TRPM3: variants seen among roughly 807,000 people sequenced by gnomAD.
TRPM3 encodes transient receptor potential cation channel subfamily M member 3.
In TRPM3, 77 loss-of-function variants were observed where a neutral mutation model predicts 181.2. That is an observed-to-expected ratio of 0.42 (90% CI 0.35 to 0.51). The LOEUF is 0.51. TRPM3 is among the 20% of genes least tolerant of loss of function. The pLI is 0.01. For synonymous variants in TRPM3, 745 were observed against 796.4 expected, an observed-to-expected ratio of 0.94 and a Z score of 1.09; for missense variants, 1,759 against 2,196.7, an observed-to-expected ratio of 0.80 and a Z score of 3.98.
chr9:71,134,332 AG>A (rs1295485183), intron 1 of TRPM3, among the ~76,000 whole-genome samples: 1 of 152,042 alleles, frequency 6.6e-6, no homozygotes, highest in Non-Finnish European at 1.5e-5. Flanking sequence ...TGGGAGGCCA[AG>A]GGGGGAGGAT....
intron 1 of TRPM3, among the ~76,000 whole-genome samples, chr9:71,235,818 G>T (rs188116088): frequency 6.6e-6 from 1 of 152,248 alleles, no homozygotes; most frequent in Admixed American, 6.5e-5. Context: ...CCAGTTTCTA[G>T]ACTTGCAAAG....
At chr9:71,317,669 AT>A (rs1356168481) in intron 1 of TRPM3, among the ~76,000 whole-genome samples, 3 of 80,782 alleles carry the variant, frequency 3.7e-5, no homozygotes, top group African/African-American at 9.4e-5. Context: ...AAGAAAAAAT[AT>A]ATATATATAC....
chr9:70,590,620 T>C (rs938615102), intron 22 of TRPM3, among the ~76,000 whole-genome samples: 2 of 152,206 alleles, frequency 1.3e-5, no homozygotes, highest in African/African-American at 4.8e-5. Flanking sequence ...CATTGTTTAT[T>C]TGTTCTGAAG....
rs537121871 is a variant in TRPM3 at position 70,873,462 on chromosome 9, C to T, written c.178-8951G>A. Among the ~76,000 whole-genome samples, 4 of 152,098 alleles carry T rather than the reference C, an allele frequency of 2.6e-5. No homozygotes were observed. The South Asian group carries it at 8.3e-4, about 31-fold the overall frequency. ...GGAAGTATCTTTCTTCAAATTTCTT[C>T]ATTTCTGTACAAATCTTCGTACACT... is the stretch of plus-strand genomic sequence containing the variant. On this transcript the variant is annotated intron_variant, in intron 1 of 25. Transcript: ENST00000677713.
intron 22 of TRPM3, among the ~76,000 whole-genome samples, chr9:70,582,669 G>A (rs2056193055): frequency 6.6e-6 from 1 of 152,128 alleles, no homozygotes; most frequent in African/African-American, 2.4e-5. Flanking sequence ...ATTTATACTA[G>A]CCACATTTCA....
intron 22 of TRPM3, among the ~76,000 whole-genome samples, chr9:70,566,986 G>T (rs2050772185): frequency 6.6e-6 from 1 of 152,178 alleles, no homozygotes; most frequent in African/African-American, 2.4e-5. Context: ...ACAGTATGAG[G>T]TTTGGGAGAG....
intron 1 of TRPM3, among the ~76,000 whole-genome samples, chr9:70,982,656 T>G (rs542893125): frequency 6.6e-6 from 1 of 152,190 alleles, no homozygotes; most frequent in Non-Finnish European, 1.5e-5. Context: ...CAGCACATAT[T>G]CATCCTCCTC....
chr9:70,538,348 C>G (rs1254435746), intron 25 of TRPM3, among the ~76,000 whole-genome samples: 2 of 152,202 alleles, frequency 1.3e-5, no homozygotes, highest in Non-Finnish European at 2.9e-5. Context: ...CCAGGCTGGT[C>G]TCAAACTCCT....
chr9:71,328,131 C>G (rs955109522), intron 1 of TRPM3, among the ~76,000 whole-genome samples: 1 of 151,220 alleles, frequency 6.6e-6, no homozygotes, highest in Non-Finnish European at 1.5e-5. Context: ...GGGTCTCCAA[C>G]CCCCTGTTTA....
intron 7 of TRPM3, among the ~76,000 whole-genome samples, chr9:70,780,377 C>G (rs1423672619): frequency 2.6e-5 from 4 of 152,094 alleles, no homozygotes; most frequent in African/African-American, 9.7e-5. Flanking sequence ...ATATCCAATT[C>G]TATTTGTACA....
At chr9:71,353,399 T>C (rs1167152772) in intron 1 of TRPM3, among the ~76,000 whole-genome samples, 1 of 152,126 alleles carries the variant, frequency 6.6e-6, no homozygotes, top group Non-Finnish European at 1.5e-5. Context: ...GGTGAATGCA[T>C]AAAGGTAAGA....
At chr9:71,304,734 T>C (rs1331186975) in intron 1 of TRPM3, among the ~76,000 whole-genome samples, 1 of 152,186 alleles carries the variant, frequency 6.6e-6, no homozygotes, top group Non-Finnish European at 1.5e-5. Context: ...ACATTCTCTC[T>C]TGAGGCGCAT....
intron 8 of TRPM3, among the ~76,000 whole-genome samples, chr9:70,739,533 G>C (rs1316561367): frequency 6.6e-6 from 1 of 151,922 alleles, no homozygotes; most frequent in Non-Finnish European, 1.5e-5. Flanking sequence ...TACTGAATGA[G>C]GAAAAGTTGA....
chr9:70,996,202 G>A (rs1245031632), intron 1 of TRPM3, among the ~76,000 whole-genome samples: 3 of 152,176 alleles, frequency 2.0e-5, no homozygotes, highest in Non-Finnish European at 4.4e-5. Context: ...CATATTTATA[G>A]AACCAGAATT....
chr9:71,207,697 G>T (rs1282047558), intron 1 of TRPM3, among the ~76,000 whole-genome samples: 1 of 152,080 alleles, frequency 6.6e-6, no homozygotes, highest in Admixed American at 6.5e-5. Flanking sequence ...ATCAGATATT[G>T]TTCAAAATGA....
At chr9:70,787,763 C>CTTTTTT in intron 6 of TRPM3, among the ~76,000 whole-genome samples, 8 of 68,552 alleles carry the variant, frequency 1.2e-4, no homozygotes, top group Non-Finnish European at 1.3e-4. Context: ...TTTTTGGATT[C>CTTTTTT]TTTTTTTTTT....
At chr9:70,927,368 A>G (rs2133365899) in intron 1 of TRPM3, among the ~76,000 whole-genome samples, 1 of 152,336 alleles carries the variant, frequency 6.6e-6, no homozygotes, top group South Asian at 2.1e-4. Flanking sequence ...GTATTAGTAA[A>G]TGCCATCACG....
At chr9:71,286,384 G>C (rs2085278526) in intron 1 of TRPM3, among the ~76,000 whole-genome samples, 1 of 152,136 alleles carries the variant, frequency 6.6e-6, no homozygotes, top group South Asian at 2.1e-4. Context: ...CATGTGCAAA[G>C]CTCATTTTGC....
chr9:70,884,113 T>A (rs2132729382), intron 1 of TRPM3, among the ~76,000 whole-genome samples: 1 of 152,258 alleles, frequency 6.6e-6, no homozygotes, highest in Non-Finnish European at 1.5e-5. Context: ...CTATTTGCCA[T>A]CCATAATGAA....
Sources: allele counts gnomAD v4.1 joint callset (sites outside exome capture counted in the v4.1 genomes callset), GRCh38; gene constraint gnomAD v4.1.1; transcripts MANE v1.5; gene names NCBI Gene and HGNC (gene_info 2026-07-23, HGNC 2026-07-21).